RANBP2: variants seen among roughly 807,000 people sequenced by gnomAD.
RANBP2 encodes RAN binding protein 2, also known as E3 SUMO-protein ligase RanBP2.
Under a neutral mutation model 303.6 loss-of-function variants are expected in RANBP2, and 57 were observed. The observed-to-expected ratio is 0.19, with a 90% CI of 0.15 to 0.23. The LOEUF (loss-of-function observed/expected upper bound fraction) is 0.23, where lower values mean the gene tolerates loss of function less well. RANBP2 is among the 10% of genes least tolerant of loss of function. The pLI is 1.00. For synonymous variants in RANBP2, 1,167 were observed against 1,301.5 expected (o/e 0.90, Z 2.23); for missense variants, 3,138 against 3,780.8 (o/e 0.83, Z 4.46).
chr2:109,726,120 C>T, the RANBP2 span, among the ~76,000 whole-genome samples: 8 of 146,408 alleles, frequency 5.5e-5, no homozygotes, highest in Non-Finnish European at 9.0e-5. Context: ...ACCTGCAGAA[C>T]GGAGGTGGCC....
At chr2:108,880,223 A>AC in the RANBP2 span, among the ~76,000 whole-genome samples, 3 of 3,674 alleles carry the variant, frequency 8.2e-4, no homozygotes, top group Non-Finnish European at 4.4e-4. Context: ...ACAAAAACAA[A>AC]CAAAAAAAAA....
chr2:109,065,934 G>T, the RANBP2 span, among the ~76,000 whole-genome samples: 2 of 152,052 alleles, frequency 1.3e-5, no homozygotes, highest in Non-Finnish European at 2.9e-5. Context: ...AGCTTCTGTT[G>T]CCAGCTCTTG....
chr2:109,636,774 C>T, the RANBP2 span, among the ~76,000 whole-genome samples: 1 of 152,128 alleles, frequency 6.6e-6, no homozygotes, highest in South Asian at 2.1e-4. Context: ...CCCGTCACTA[C>T]CAAAAATATA....
chr2:109,075,406 AGTAGAGACGGG>A, the RANBP2 span, among the ~76,000 whole-genome samples: 1 of 150,192 alleles, frequency 6.7e-6, no homozygotes, highest in East Asian at 1.9e-4. Context: ...TGTATTTTTA[AGTAGAGACGGG>A]GTTTCACCAT....
the RANBP2 span, among the ~76,000 whole-genome samples, chr2:108,957,206 TCA>T: frequency 6.6e-6 from 1 of 152,236 alleles, no homozygotes; most frequent in Non-Finnish European, 1.5e-5. Context: ...GTTCCAGCCC[TCA>T]CACTGCATCT....
chr2:109,380,424 A>G, the RANBP2 span, among the ~76,000 whole-genome samples: 9 of 152,082 alleles, frequency 5.9e-5, no homozygotes, highest in African/African-American at 9.7e-5. Flanking sequence ...CACCTGTGCA[A>G]TGTTATTGGG....
the RANBP2 span, among the ~76,000 whole-genome samples, chr2:109,742,739 A>G: frequency 1.2e-4 from 17 of 147,108 alleles, no homozygotes; most frequent in African/African-American, 4.4e-4. Context: ...GAATGAAGTC[A>G]GAGTACTGAC....
the RANBP2 span, among the ~76,000 whole-genome samples, chr2:108,844,760 T>C: frequency 6.6e-6 from 1 of 151,688 alleles, no homozygotes; most frequent in Admixed American, 6.6e-5. Context: ...TTTTTTTTTT[T>C]TTTTTGAGAC....
At chr2:108,809,116 A>T in the RANBP2 span, among the ~76,000 whole-genome samples, 1 of 152,174 alleles carries the variant, frequency 6.6e-6, no homozygotes, top group Non-Finnish European at 1.5e-5. Context: ...GTAGAAAATC[A>T]GTTGGCTGTA....
the RANBP2 span, among the ~76,000 whole-genome samples, chr2:109,381,083 C>G: frequency 4.6e-5 from 7 of 152,342 alleles, no homozygotes; most frequent in African/African-American, 1.7e-4. Context: ...ACCAAGTGGT[C>G]TACCACTTGC....
At chr2:109,579,584 T>C in the RANBP2 span, among the ~76,000 whole-genome samples, 1 of 151,332 alleles carries the variant, frequency 6.6e-6, no homozygotes, top group African/African-American at 2.4e-5. Context: ...GGTTTCACCA[T>C]GCTGGTCAGG....
At chr2:109,342,686 A>G in the RANBP2 span, among the ~76,000 whole-genome samples, 2 of 152,170 alleles carry the variant, frequency 1.3e-5, no homozygotes, top group African/African-American at 4.8e-5. Context: ...GAGAGTCCCA[A>G]CCAGGGGTGT....
At chr2:109,289,603 C>A in the RANBP2 span, among the ~76,000 whole-genome samples, 2 of 152,138 alleles carry the variant, frequency 1.3e-5, no homozygotes, top group African/African-American at 4.8e-5. Flanking sequence ...GATGTCTCTG[C>A]TTTTGGTTTT....
At chr2:109,236,939 C>T in the RANBP2 span, among the ~76,000 whole-genome samples, 1 of 152,158 alleles carries the variant, frequency 6.6e-6, no homozygotes, top group South Asian at 2.1e-4. Context: ...AGGCAGTCCC[C>T]AGAGAAATTT....
the RANBP2 span, among the ~76,000 whole-genome samples, chr2:109,690,582 C>T: frequency 6.6e-6 from 1 of 152,170 alleles, no homozygotes; most frequent in African/African-American, 2.4e-5. Context: ...TCTTAGCATG[C>T]TCCTGGCACG....
At chr2:108,787,447 G>C (rs1679061693), downstream of RANBP2, among the ~76,000 whole-genome samples, 1 of 152,102 alleles carries the variant, frequency 6.6e-6, no homozygotes. Flanking sequence ...CCTCTGAATA[G>C]AAATAACTTG....
At chr2:109,089,203 G>T in the RANBP2 span, among the ~76,000 whole-genome samples, 1 of 152,126 alleles carries the variant, frequency 6.6e-6, no homozygotes, top group Admixed American at 6.5e-5. Flanking sequence ...TTCCAGTGAG[G>T]GCAGGAGGAA....
the RANBP2 span, among the ~76,000 whole-genome samples, chr2:109,356,842 C>T: frequency 0.28 from 41,808 of 152,022 alleles, 6,665 homozygotes; most frequent in Non-Finnish European, 0.37. Context: ...GTAATGATGT[C>T]AAAGCTTAAA....
chr2:109,771,477 G>A, the RANBP2 span, among the ~76,000 whole-genome samples: 1 of 102,082 alleles, frequency 9.8e-6, no homozygotes, highest in African/African-American at 5.0e-5. Flanking sequence ...TGCAGGAGAG[G>A]ACAGCTCAGC....
Sources: allele counts gnomAD v4.1 joint callset (sites outside exome capture counted in the v4.1 genomes callset), GRCh38; gene constraint gnomAD v4.1.1; transcripts MANE v1.5; gene names NCBI Gene and HGNC (gene_info 2026-07-23, HGNC 2026-07-21).